RASA3: variants seen among roughly 807,000 people sequenced by gnomAD.
RASA3 encodes RAS p21 protein activator 3.
A neutral mutation model predicts 110.0 loss-of-function variants in RASA3; 73 were observed. The observed-to-expected ratio is 0.66, with a 90% confidence interval of 0.55 to 0.81. RASA3 has a LOEUF of 0.81. Ranked by LOEUF, RASA3 falls within the 30% of genes least tolerant of loss-of-function variation. The pLI is 0.00. For missense variants in RASA3, 976 were observed against 1,113.2 expected, an observed-to-expected ratio of 0.88 and a Z score of 1.75; for synonymous variants, 500 against 451.4, an observed-to-expected ratio of 1.11 and a Z score of -1.37.
At chr13:114,049,452 T>C (rs902249550) in intron 3 of RASA3, among the ~76,000 whole-genome samples, 5 of 152,194 alleles carry the variant, frequency 3.3e-5, no homozygotes, top group African/African-American at 9.7e-5. Flanking sequence ...AAACATCTTA[T>C]TTGGTTATTT....
At chr13:114,036,683 ATG>A (rs2054284541) in intron 4 of RASA3, among the ~76,000 whole-genome samples, 1 of 152,290 alleles carries the variant, frequency 6.6e-6, no homozygotes, top group South Asian at 2.1e-4. Context: ...GATTACAGGC[ATG>A]CGCCACCACG....
At chr13:114,054,383 G>T (rs942008915) in intron 2 of RASA3, among the ~76,000 whole-genome samples, 1 of 152,196 alleles carries the variant, frequency 6.6e-6, no homozygotes, top group Non-Finnish European at 1.5e-5. Context: ...TAAACCAGGA[G>T]ATACGGCACA....
intron 8 of RASA3, among the ~76,000 whole-genome samples, chr13:114,023,043 C>T (rs1025957034): frequency 1.1e-4 from 16 of 152,354 alleles, no homozygotes; most frequent in Admixed American, 4.6e-4. Flanking sequence ...GACATTCCTA[C>T]AGTTCTCAAC....
chr13:114,097,127 T>C (rs1178428562), intron 1 of RASA3, among the ~76,000 whole-genome samples: 2 of 152,158 alleles, frequency 1.3e-5, no homozygotes, highest in Non-Finnish European at 2.9e-5. Flanking sequence ...ACACATCCCC[T>C]CCTGAACCGA....
chr13:114,045,106 C>G (rs1177395036), intron 3 of RASA3, among the ~76,000 whole-genome samples: 3 of 152,196 alleles, frequency 2.0e-5, no homozygotes, highest in Non-Finnish European at 1.5e-5. Context: ...CTTCTAGAAG[C>G]CAGCCACATT....
At position 114,132,543 on chromosome 13, in the gene RASA3, A is replaced by T. The variant is rs1016969601; in HGVS notation, c.-54T>A. On this transcript the variant is annotated 5_prime_UTR_variant, in exon 1 of 24. Transcript: ENST00000334062. ...CCCCAAGCGCGCGCCGAGCCCGGGC[A>T]GCTCAGGCCGAGCAGGAGGAGCGGC... is the stretch of plus-strand genomic sequence containing the variant. 2.2e-6 allele frequency: 3 copies of T among 1,349,414 alleles called. No homozygotes were observed. The Admixed American group carries it at 9.4e-5, about 42-fold the overall frequency. 83.6% of individuals were successfully genotyped at this position (1,349,414 alleles called of 1,614,324 possible).
At chr13:114,028,230 A>G (rs2054066325) in intron 5 of RASA3, among the ~76,000 whole-genome samples, 1 of 150,214 alleles carries the variant, frequency 6.7e-6, no homozygotes, top group African/African-American at 2.5e-5. Context: ...CCCCTAAAAC[A>G]GTGTCATCCT....
Position 114,057,309 on chromosome 13 carries a change from A to G in RASA3, c.174-5154T>C. Reference sequence around the variant, plus strand: ...TGCAGGCGGCCGGCCAGCCTTATCAACGGAGCTCTGAGCCACCAACCACTG... The same window carrying G: ...TGCAGGCGGCCGGCCAGCCTTATCAGCGGAGCTCTGAGCCACCAACCACTG... On this transcript the variant is annotated intron_variant, in intron 2 of 23. Coordinates refer to ENST00000334062, the MANE Select transcript of RASA3 (RefSeq NM_007368.4). This position sits in a 1 kb window ranked among gnomAD's most constrained non-coding sequence, Gnocchi z 5.0. 1.0e-6 allele frequency: 1 copy of G among 985,454 alleles called. No individual in the cohort carries two copies. Among genetic ancestry groups the G allele is most frequent in the Non-Finnish European group, 1.2e-6 (1 of 829,924 alleles). 61.0% of individuals were successfully genotyped at this position (985,454 alleles called of 1,614,324 possible).
intron 1 of RASA3, among the ~76,000 whole-genome samples, chr13:114,130,914 A>T (rs2080509800): frequency 6.6e-6 from 1 of 151,966 alleles, no homozygotes; most frequent in Non-Finnish European, 1.5e-5. Context: ...TGGCTGAAGG[A>T]AAGAGCAGCA....
At chr13:114,051,268 G>A (rs894624663) in intron 3 of RASA3, among the ~76,000 whole-genome samples, 1 of 152,150 alleles carries the variant, frequency 6.6e-6, no homozygotes, top group African/African-American at 2.4e-5. Context: ...GTACACACTG[G>A]CTCCCCGGCC....
chr13:114,068,085 G>T (rs936920718), intron 2 of RASA3, among the ~76,000 whole-genome samples: 1 of 152,234 alleles, frequency 6.6e-6, no homozygotes, highest in African/African-American at 2.4e-5. Context: ...AGTTCAGGCC[G>T]TGGCACCTCT....
intron 1 of RASA3, among the ~76,000 whole-genome samples, chr13:114,123,657 G>A (rs1282451931): frequency 6.6e-6 from 1 of 152,216 alleles, no homozygotes; most frequent in Admixed American, 6.5e-5. Flanking sequence ...CCCTGGGCAC[G>A]CCATGCGCAC....
At chr13:114,053,014 C>T (rs956751824) in intron 2 of RASA3, among the ~76,000 whole-genome samples, 2 of 141,684 alleles carry the variant, frequency 1.4e-5, no homozygotes, top group East Asian at 2.1e-4. Context: ...GAGAGACCCC[C>T]GCTGCTGACT....
At chr13:114,031,943 C>G (rs915335997) in intron 4 of RASA3, among the ~76,000 whole-genome samples, 5 of 152,136 alleles carry the variant, frequency 3.3e-5, no homozygotes, top group African/African-American at 1.2e-4. Context: ...GAGCAGGGAC[C>G]TCGCTTAGGC....
chr13:114,035,381 C>A (rs373065017), intron 4 of RASA3, among the ~76,000 whole-genome samples: 1 of 152,232 alleles, frequency 6.6e-6, no homozygotes, highest in African/African-American at 2.4e-5. Flanking sequence ...AAAGGGGCCC[C>A]AGCGTCCAGC....
chr13:113,980,131 G>A (rs1388957833), intron 23 of RASA3, among the ~76,000 whole-genome samples: 5 of 131,866 alleles, frequency 3.8e-5, no homozygotes, highest in Non-Finnish European at 6.3e-5. Flanking sequence ...CCTCCTCTGT[G>A]TGTACCTCCT....
At chr13:114,021,050 G>A (rs2053917909) in intron 9 of RASA3, among the ~76,000 whole-genome samples, 1 of 151,852 alleles carries the variant, frequency 6.6e-6, no homozygotes, top group Admixed American at 6.6e-5. Context: ...CAGACCCTGC[G>A]AGCTGCTCGC....
In RASA3 at chr13:114,029,952, G is replaced by A. The variant is rs557213217; in HGVS notation, c.373-65C>T. 1.5e-5 allele frequency: 22 copies of A among 1,450,274 alleles called. No homozygotes were observed. In the African/African-American group the frequency reaches 1.5e-4, roughly 10 times the overall value. 89.8% of individuals were successfully genotyped at this position (1,450,274 alleles called of 1,614,324 possible). On this transcript the variant is annotated intron_variant, in intron 4 of 23. Coordinates refer to ENST00000334062, the MANE Select transcript of RASA3 (RefSeq NM_007368.4). Reference sequence around the variant, plus strand: ...TGCTCCCACAGGCCACTAGGGCCGCGCGCCCAGGGAAAGCCTAGAGGGCAA... The same window carrying A: ...TGCTCCCACAGGCCACTAGGGCCGCACGCCCAGGGAAAGCCTAGAGGGCAA...
intron 7 of RASA3, 51 bp from the exon 8 acceptor site, chr13:114,024,406 G>C (rs759770698): frequency 1.9e-6 from 3 of 1,544,050 alleles, no homozygotes; most frequent in African/African-American, 1.4e-5. Flanking sequence ...CACCAGGCGG[G>C]GGTATATGCG....
Sources: gnomAD v4.1 joint callset for allele counts (sites outside exome capture counted in the v4.1 genomes callset) on GRCh38, gnomAD v4.1.1 for gene constraint, Gnocchi (gnomAD v3.1) non-coding constraint, MANE v1.5 for transcripts, NCBI Gene and HGNC (gene_info 2026-07-23, HGNC 2026-07-21) for gene names.